SAMD3: variants seen among roughly 807,000 people sequenced by gnomAD.
The protein encoded by SAMD3 is sterile alpha motif domain-containing protein 3.
A neutral mutation model predicts 58.5 loss-of-function variants in SAMD3; 63 were observed. That is an observed-to-expected ratio of 1.08 (90% confidence interval 0.88 to 1.33). SAMD3 has a LOEUF of 1.33. SAMD3 is among the 40% of genes most tolerant of loss of function. SAMD3 has a pLI of 0.00. For missense variants in SAMD3, 604 were observed against 608.4 expected, an observed-to-expected ratio of 0.99 and a Z score of 0.08; for synonymous variants, 220 against 210.3, an observed-to-expected ratio of 1.05 and a Z score of -0.40.
chr6:130,304,256 G>A (rs1192663212), intron 2 of SAMD3, among the ~76,000 whole-genome samples: 1 of 152,006 alleles, frequency 6.6e-6, no homozygotes. Flanking sequence ...TGCAACCTCC[G>A]CCTCTTGGGT....
At chr6:130,192,606 C>G (rs556395063) in intron 5 of SAMD3, among the ~76,000 whole-genome samples, 1 of 152,122 alleles carries the variant, frequency 6.6e-6, no homozygotes, top group East Asian at 1.9e-4. Context: ...CATCTCCCTT[C>G]GCTGACTCTC....
intron 1 of SAMD3, among the ~76,000 whole-genome samples, chr6:130,362,747 C>T (rs1450884868): frequency 6.6e-6 from 1 of 152,100 alleles, no homozygotes; most frequent in African/African-American, 2.4e-5. Context: ...GTCGTATCAG[C>T]CTCAACATTA....
intron 2 of SAMD3, among the ~76,000 whole-genome samples, chr6:130,285,160 G>C (rs139450366): frequency 6.6e-6 from 1 of 152,112 alleles, no homozygotes; most frequent in African/African-American, 2.4e-5. Flanking sequence ...GTTGCAAAAC[G>C]TTATATATAG....
chr6:130,306,910 C>G (rs556008917), intron 2 of SAMD3, among the ~76,000 whole-genome samples: 1 of 152,254 alleles, frequency 6.6e-6, no homozygotes, highest in African/African-American at 2.4e-5. Flanking sequence ...TTTTAAGCTA[C>G]TGATTAAAGT....
chr6:130,252,786 G>A (rs1402008651), intron 2 of SAMD3, among the ~76,000 whole-genome samples: 1 of 152,200 alleles, frequency 6.6e-6, no homozygotes, highest in African/African-American at 2.4e-5. Flanking sequence ...CTGTGGCACA[G>A]GAGCAAGCTT....
intron 1 of SAMD3, among the ~76,000 whole-genome samples, chr6:130,339,766 C>T (rs1583128897): frequency 6.6e-6 from 1 of 152,236 alleles, no homozygotes; most frequent in South Asian, 2.1e-4. Flanking sequence ...ATAGGACTTG[C>T]AAGAATTACT....
intron 8 of SAMD3, among the ~76,000 whole-genome samples, chr6:130,166,546 G>T (rs1255848048): frequency 2.0e-5 from 3 of 151,982 alleles, no homozygotes; most frequent in Non-Finnish European, 4.4e-5. Context: ...TTATTCCACT[G>T]GTCTATCAAA....
chr6:130,299,136 C>T (rs1775663812), intron 2 of SAMD3, among the ~76,000 whole-genome samples: 2 of 152,072 alleles, frequency 1.3e-5, no homozygotes, highest in Admixed American at 6.5e-5. Context: ...CAGAATATTC[C>T]ACCCCACAAT....
intron 2 of SAMD3, among the ~76,000 whole-genome samples, chr6:130,248,786 A>G (rs1773643011): frequency 6.6e-6 from 1 of 152,130 alleles, no homozygotes; most frequent in East Asian, 1.9e-4. Flanking sequence ...TCAAGAAAGG[A>G]TCTATGCTCC....
chr6:130,250,815 C>G (rs142001611), intron 2 of SAMD3, among the ~76,000 whole-genome samples: 2 of 152,252 alleles, frequency 1.3e-5, no homozygotes, highest in African/African-American at 4.8e-5. Flanking sequence ...TATTAACATA[C>G]CACATTTTGT....
chr6:130,308,178 T>C (rs1307294513), intron 2 of SAMD3, among the ~76,000 whole-genome samples: 1 of 152,144 alleles, frequency 6.6e-6, no homozygotes, highest in Non-Finnish European at 1.5e-5. Context: ...CTGTTAGTCT[T>C]GACTAAATCA....
At chr6:130,351,798 G>A (rs1485496262) in intron 1 of SAMD3, among the ~76,000 whole-genome samples, 5 of 152,078 alleles carry the variant, frequency 3.3e-5, no homozygotes, top group Admixed American at 2.0e-4. Context: ...CAATAGCAAA[G>A]ATTTGGAACC....
At chr6:130,246,354 T>C (rs1007570371) in intron 2 of SAMD3, among the ~76,000 whole-genome samples, 2 of 152,128 alleles carry the variant, frequency 1.3e-5, no homozygotes, top group Non-Finnish European at 2.9e-5. Flanking sequence ...CAATAGTATA[T>C]CAAGTTGGAA....
chr6:130,304,005 T>G (rs1047614850), intron 2 of SAMD3, among the ~76,000 whole-genome samples: 1 of 152,236 alleles, frequency 6.6e-6, no homozygotes, highest in Non-Finnish European at 1.5e-5. Flanking sequence ...CTTTAATAAA[T>G]TCTAACTTGA....
At chr6:130,232,111 G>A (rs1796565176) in intron 2 of SAMD3, among the ~76,000 whole-genome samples, 1 of 152,156 alleles carries the variant, frequency 6.6e-6, no homozygotes, top group Non-Finnish European at 1.5e-5. Flanking sequence ...CCAGGAACTT[G>A]TCAGTGTCCA....
chr6:130,146,241 G>A, intron 9 of SAMD3, 60 bp from the exon 10 acceptor site: 1 of 1,072,130 alleles, frequency 9.3e-7, no homozygotes, highest in Non-Finnish European at 1.3e-6. Context: ...TATATAGAAT[G>A]TAAAGACATA....
At chr6:130,361,342 C>T (rs184501256) in intron 1 of SAMD3, among the ~76,000 whole-genome samples, 17 of 152,296 alleles carry the variant, frequency 1.1e-4, no homozygotes, top group East Asian at 3.9e-4. Flanking sequence ...CTGGTCCCTC[C>T]GTTTGGGGGT....
chr6:130,170,097 G>C (rs937551211), intron 8 of SAMD3, among the ~76,000 whole-genome samples: 6 of 152,136 alleles, frequency 3.9e-5, no homozygotes, highest in Non-Finnish European at 8.8e-5. Context: ...TTTGTTAATA[G>C]GTACACATGT....
intron 8 of SAMD3, among the ~76,000 whole-genome samples, chr6:130,165,800 G>T (rs1223121816): frequency 6.6e-6 from 1 of 152,032 alleles, no homozygotes; most frequent in Non-Finnish European, 1.5e-5. Context: ...TAAGCATTTC[G>T]GTAAGTATGT....
Sources: allele counts gnomAD v4.1 joint callset (sites outside exome capture counted in the v4.1 genomes callset), GRCh38; gene constraint gnomAD v4.1.1; transcripts MANE v1.5; gene names NCBI Gene and HGNC (gene_info 2026-07-23, HGNC 2026-07-21).